ALK: variants seen among roughly 807,000 people sequenced by gnomAD.
ALK encodes ALK receptor tyrosine kinase, also known as ALK tyrosine kinase receptor.
In ALK, 74 loss-of-function variants were observed where a neutral mutation model predicts 163.1. The observed-to-expected ratio is 0.45, with a 90% CI of 0.38 to 0.55. The LOEUF (loss-of-function observed/expected upper bound fraction) is 0.55, where lower values mean the gene tolerates loss of function less well. Among genes scored for constraint, ALK ranks in the 20% least tolerant of loss-of-function variants. The probability of loss-of-function intolerance (pLI) is 0.00; values close to 1 mark genes in which losing one functional copy is unlikely to be tolerated. For synonymous variants in ALK, 960 were observed against 843.2 expected (o/e 1.14, Z -2.40); for missense variants, 2,063 against 2,105.3 (o/e 0.98, Z 0.39).
chr2:29,440,062 T>C (rs2148080242), intron 4 of ALK, among the ~76,000 whole-genome samples: 1 of 151,498 alleles, frequency 6.6e-6, no homozygotes, highest in South Asian at 2.1e-4. Flanking sequence ...TGAAACCCCG[T>C]CTCTACTAAA....
intron 5 of ALK, among the ~76,000 whole-genome samples, chr2:29,336,157 T>C (rs559900050): frequency 6.6e-6 from 1 of 152,346 alleles, no homozygotes; most frequent in East Asian, 1.9e-4. Flanking sequence ...GATGCCTCTG[T>C]ATCAGGGATG....
intron 26 of ALK, among the ~76,000 whole-genome samples, chr2:29,200,643 A>G (rs1302548531): frequency 6.8e-6 from 1 of 147,004 alleles, no homozygotes; most frequent in African/African-American, 2.5e-5. Flanking sequence ...TTCTTTCATC[A>G]CCTATAAGCC....
At chr2:29,733,099 T>C (rs999221539) in intron 1 of ALK, among the ~76,000 whole-genome samples, 2 of 151,714 alleles carry the variant, frequency 1.3e-5, no homozygotes, top group East Asian at 3.9e-4. Flanking sequence ...TCTGAGCAAA[T>C]AGAAAACATG....
intron 5 of ALK, among the ~76,000 whole-genome samples, chr2:29,329,214 A>T (rs1440578211): frequency 6.6e-6 from 1 of 152,238 alleles, no homozygotes; most frequent in Admixed American, 6.5e-5. Context: ...ATGAACATAC[A>T]GAGTTATCAG....
intron 1 of ALK, among the ~76,000 whole-genome samples, chr2:29,751,095 G>T (rs1680353226): frequency 6.6e-6 from 1 of 152,048 alleles, no homozygotes; most frequent in South Asian, 2.1e-4. Context: ...AGAGGGGAGG[G>T]AAAAGAGAAG....
chr2:29,755,496 G>C (rs1298922635), intron 1 of ALK, among the ~76,000 whole-genome samples: 1 of 152,178 alleles, frequency 6.6e-6, no homozygotes, highest in Non-Finnish European at 1.5e-5. Context: ...AATTTCAAAG[G>C]GCCCAGGATG....
intron 5 of ALK, among the ~76,000 whole-genome samples, chr2:29,362,493 G>A (rs188467384): frequency 1.3e-4 from 20 of 152,326 alleles, no homozygotes; most frequent in African/African-American, 4.8e-4. Context: ...TGTGTCCACA[G>A]TTACGGGAAT....
intron 1 of ALK, among the ~76,000 whole-genome samples, chr2:29,750,713 A>AGGCAGGC (rs1558471795): frequency 2.1e-4 from 20 of 96,040 alleles, no homozygotes; most frequent in Non-Finnish European, 3.2e-4. Context: ...GGCAGGCAGG[A>AGGCAGGC]AGGAAGGAAG....
intron 1 of ALK, among the ~76,000 whole-genome samples, chr2:29,790,243 C>T (rs946789049): frequency 6.6e-6 from 1 of 152,066 alleles, no homozygotes; most frequent in Admixed American, 6.6e-5. Flanking sequence ...ATTAGACTAT[C>T]TTGTCAGGAT....
chr2:29,738,333 C>T (rs897592298), intron 1 of ALK, among the ~76,000 whole-genome samples: 1 of 151,916 alleles, frequency 6.6e-6, no homozygotes, highest in Non-Finnish European at 1.5e-5. Context: ...ATTTGCATGC[C>T]CTTTTTGCAG....
intron 3 of ALK, among the ~76,000 whole-genome samples, chr2:29,677,660 A>C (rs1677926357): frequency 6.6e-6 from 1 of 151,954 alleles, no homozygotes; most frequent in Admixed American, 6.6e-5. Flanking sequence ...CATCCTTTTC[A>C]TCCGTTGCTA....
chr2:29,648,603 AG>A (rs200948957), intron 3 of ALK, among the ~76,000 whole-genome samples: 2,152 of 152,186 alleles, frequency 0.014, 51 homozygotes, highest in African/African-American at 0.048. Context: ...GGAATCATAC[AG>A]TATTTGTCCT....
chr2:29,261,385 G>T (rs1389311286), intron 11 of ALK, among the ~76,000 whole-genome samples: 1 of 148,920 alleles, frequency 6.7e-6, no homozygotes, highest in African/African-American at 2.5e-5. Context: ...GATTTGGAAA[G>T]ATTAAAAAAA....
chr2:29,213,907 G>GA lies in ALK; in HGVS notation c.3743+76_3743+77insT, dbSNP rs1669529064. On this transcript the variant is annotated intron_variant, in intron 24 of 28. Coordinates refer to ENST00000389048, the MANE Select transcript of ALK (RefSeq NM_004304.5). ...AGTATTCTGCTCTGAAGGGGGAAAT[G>GA]TGAGCCCTTGAGATCTGCGGGGAAG... is the stretch of plus-strand genomic sequence containing the variant. 3.8e-5 allele frequency: 48 copies of GA among 1,249,036 alleles called. No individual in the cohort carries two copies. The South Asian group carries it at 5.8e-4, about 15-fold the overall frequency. The allele number at this position is 1,249,036 out of a possible 1,614,324, so 77.4% of individuals were successfully genotyped here.
chr2:29,624,593 G>T (rs1466141953), intron 3 of ALK, among the ~76,000 whole-genome samples: 2 of 152,168 alleles, frequency 1.3e-5, no homozygotes, highest in Non-Finnish European at 2.9e-5. Context: ...GCCTGCTGGA[G>T]CAGGGGATGG....
chr2:29,466,643 T>G (rs1476338274), intron 4 of ALK, among the ~76,000 whole-genome samples: 2 of 152,200 alleles, frequency 1.3e-5, no homozygotes, highest in Non-Finnish European at 2.9e-5. Context: ...TTTGAGACTG[T>G]TTCTTGTAAG....
At chr2:29,717,120 C>T (rs58348370) in intron 2 of ALK, among the ~76,000 whole-genome samples, 5,490 of 137,904 alleles carry the variant, frequency 0.04, 385 homozygotes, top group African/African-American at 0.14. Context: ...TGCAGTGGGC[C>T]GAGATCGTGC....
chr2:29,507,334 T>C (rs552230526), intron 4 of ALK, among the ~76,000 whole-genome samples: 43 of 152,274 alleles, frequency 2.8e-4, no homozygotes, highest in African/African-American at 1.0e-3. Flanking sequence ...CAAATTCATA[T>C]AGACAGAAAG....
At chr2:29,874,202 G>A (rs1267115841) in intron 1 of ALK, among the ~76,000 whole-genome samples, 3 of 152,144 alleles carry the variant, frequency 2.0e-5, no homozygotes, top group Admixed American at 6.5e-5. Flanking sequence ...AAAATGGTGA[G>A]ATTATTCCCT....
Sources: gnomAD v4.1 joint callset for allele counts (sites outside exome capture counted in the v4.1 genomes callset) on GRCh38, gnomAD v4.1.1 for gene constraint, MANE v1.5 for transcripts, NCBI Gene and HGNC (gene_info 2026-07-23, HGNC 2026-07-21) for gene names.